POLQ: variants seen among roughly 807,000 people sequenced by gnomAD.
POLQ encodes epididymis secretory sperm binding protein.
A neutral mutation model predicts 259.2 loss-of-function variants in POLQ; 233 were observed. The ratio of observed to expected loss-of-function variants is 0.90; its 90% CI spans 0.81 to 1.00. POLQ has a LOEUF of 1.00. Among genes scored for constraint, POLQ ranks in the 50% least tolerant of loss-of-function variants. POLQ has a pLI of 0.00. For synonymous variants in POLQ, 1,025 were observed against 1,048.8 expected, an observed-to-expected ratio of 0.98 and a Z score of 0.44; for missense variants, 2,871 against 3,051.6, an observed-to-expected ratio of 0.94 and a Z score of 1.39.
intron 20 of POLQ, 97 bp downstream of exon 20, chr3:121,476,443 T>C (rs1443255585): frequency 7.3e-6 from 6 of 821,218 alleles, no homozygotes; most frequent in Non-Finnish European, 1.1e-5. Flanking sequence ...TGACCTTTGG[T>C]GTTCAGGTAA....
chr3:121,498,336 A>T (rs1385734743), intron 13 of POLQ, 141 bp downstream of exon 13: 8 of 546,928 alleles, frequency 1.5e-5, no homozygotes, highest in Non-Finnish European at 2.5e-5. Context: ...AAGAAAATGA[A>T]AAAAAAGAAA....
chr3:121,498,767 G>T, intron 12 of POLQ, 97 bp from the exon 13 acceptor site: 2 of 839,934 alleles, frequency 2.4e-6, no homozygotes, highest in Non-Finnish European at 3.7e-6. Context: ...CAGGCATGAT[G>T]GTATGTGCCT....
At chr3:121,532,102 T>C (rs927955256) in intron 6 of POLQ, among the ~76,000 whole-genome samples, 1 of 152,204 alleles carries the variant, frequency 6.6e-6, no homozygotes, top group Non-Finnish European at 1.5e-5. Context: ...ACTTTCTAGA[T>C]GCCAGATAAT....
chr3:121,454,463 T>C (rs2047712294), intron 25 of POLQ, among the ~76,000 whole-genome samples: 1 of 152,182 alleles, frequency 6.6e-6, no homozygotes, highest in South Asian at 2.1e-4. Context: ...TCAAGATCCA[T>C]CAGTGTGCTG....
rs568633885 is a variant in POLQ at position 121,453,575 on chromosome 3, G to C, written c.7153-4149C>G. On this transcript the variant is annotated intron_variant, in intron 25 of 29. Transcript: ENST00000264233. Reference sequence around the variant, plus strand: ...CTGATGGAGCTGAAAGCCAAGGCTTGAGAACTACGTGAAGAATGCAGAAGC... The same window carrying C: ...CTGATGGAGCTGAAAGCCAAGGCTTCAGAACTACGTGAAGAATGCAGAAGC... Among the ~76,000 whole-genome samples, 6 of 152,330 alleles carry C rather than the reference G, an allele frequency of 3.9e-5. No homozygotes were observed. The East Asian group carries it at 1.2e-3, about 29-fold the overall frequency.
At chr3:121,449,606 T>C (rs2047656903) in intron 25 of POLQ, among the ~76,000 whole-genome samples, 180 bp from the exon 26 acceptor site, 1 of 152,226 alleles carries the variant, frequency 6.6e-6, no homozygotes, top group African/African-American at 2.4e-5. Context: ...TTTCTGCCTT[T>C]CAGCATTACT....
At chr3:121,465,034 A>T (rs1033240255) in intron 24 of POLQ, among the ~76,000 whole-genome samples, 5 of 152,144 alleles carry the variant, frequency 3.3e-5, no homozygotes, top group African/African-American at 4.8e-5. Flanking sequence ...GCAATTTTTT[A>T]AAAAATGAGT....
intron 25 of POLQ, among the ~76,000 whole-genome samples, chr3:121,454,426 A>T (rs1430624170): frequency 2.6e-5 from 4 of 152,246 alleles, no homozygotes; most frequent in Non-Finnish European, 5.9e-5. Flanking sequence ...CAATTAAAAG[A>T]CACAGACTGG....
At chr3:121,498,798 G>T in intron 12 of POLQ, 128 bp from the exon 13 acceptor site, 1 of 661,712 alleles carries the variant, frequency 1.5e-6, no homozygotes, top group Non-Finnish European at 2.5e-6. Flanking sequence ...CTACTCAGAA[G>T]GCTGAGATGG....
At chr3:121,509,510 C>A in intron 12 of POLQ, 51 bp downstream of exon 12, 1 of 1,475,448 alleles carries the variant, frequency 6.8e-7, no homozygotes, top group South Asian at 1.2e-5. Context: ...GATTATATAT[C>A]TATTTTTTTC....
Position 121,498,476 on chromosome 3 carries a change from C to G in POLQ, c.2153+1G>C. ...GAGAGCCCAGAGACCTTGACGTTTA[C>G]CTTTTATGGATGGCCATTTGTCGAT... is the stretch of plus-strand genomic sequence containing the variant. On this transcript the variant is annotated splice_donor_variant, in intron 13 of 29. Coordinates refer to ENST00000264233, the MANE Select transcript of POLQ (RefSeq NM_199420.4). LOFTEE classifies it high-confidence loss of function. 1.9e-6 allele frequency: 3 copies of G among 1,612,174 alleles called. No homozygotes were observed. Among genetic ancestry groups the G allele is most frequent in the Non-Finnish European group, 2.5e-6 (3 of 1,178,572 alleles).
rs569575038 is a variant in POLQ at position 121,545,623 on chromosome 3, C to A, written c.163+92G>T. 3.0e-4 allele frequency: 374 copies of A among 1,266,492 alleles called. 2 individuals are homozygous for A. In the African/African-American group the frequency reaches 4.3e-3, roughly 14 times the overall value. 78.5% of individuals were successfully genotyped at this position (1,266,492 alleles called of 1,614,324 possible). A position where few individuals can be genotyped will look rare whatever the true frequency, so the allele number is the denominator to read the frequency against. ...AGTAGAAGCCCAATGGGGTATGCAA[C>A]GAAGCAAGTCCCGTGGGGTGAGGAC... On this transcript the variant is annotated intron_variant, in intron 1 of 29. Transcript: ENST00000264233.
At chr3:121,504,162 C>G (rs1001402588) in intron 12 of POLQ, among the ~76,000 whole-genome samples, 2 of 152,136 alleles carry the variant, frequency 1.3e-5, no homozygotes, top group Admixed American at 1.3e-4. Context: ...CTGGACTGAT[C>G]AAGAAATGAT....
intron 20 of POLQ, among the ~76,000 whole-genome samples, chr3:121,475,528 T>C (rs2047918479): frequency 6.6e-6 from 1 of 152,066 alleles, no homozygotes; most frequent in Non-Finnish European, 1.5e-5. Context: ...ACTATTAAAG[T>C]AATAATAAAG....
chr3:121,522,023 C>T lies in POLQ; in HGVS notation c.1235G>A (p.Gly412Glu), dbSNP rs777788562. ...AATACCTGCATGATGAAATGCTACTCCCCATGGTACAGTTTTCTGTAATAC... is the reference window on the plus strand; with the variant it reads ...AATACCTGCATGATGAAATGCTACTTCCCATGGTACAGTTTTCTGTAATAC... ...DSVLQKTVPW[G>E]VAFHHAGLTF... The change falls in exon 8 of 30, where the codon GGA becomes GAA. Residue 412 changes from glycine to glutamate, a missense_variant. Physicochemically the swap from Gly to Glu is moderately conservative, Grantham distance 98. Transcript: ENST00000264233. 6.3e-7 allele frequency: 1 copy of T among 1,580,534 alleles called. No individual in the cohort carries two copies. The highest frequency in any genetic ancestry group is 8.6e-7 in the Non-Finnish European group (1 of 1,167,420).
At chr3:121,462,960 G>A (rs554301833) in intron 24 of POLQ, among the ~76,000 whole-genome samples, 21 of 152,330 alleles carry the variant, frequency 1.4e-4, no homozygotes, top group African/African-American at 4.3e-4. Context: ...CAACCATAAC[G>A]TCCGCATACT....
In POLQ at chr3:121,532,908, T is replaced by C. The variant is rs2048421600; in HGVS notation, c.960+82A>G. 14 of 894,546 alleles carry C rather than the reference T, an allele frequency of 1.6e-5. No individual in the cohort carries two copies. In the East Asian group the frequency reaches 3.4e-4, roughly 22 times the overall value. The allele number at this position is 894,546 out of a possible 1,614,324, so 55.4% of individuals were successfully genotyped here. Reference sequence around the variant, plus strand: ...GTATATGTAACTCCCAATTACATCATTCAGAATTTGTTAGCAATTTGCTAG... The same window carrying C: ...GTATATGTAACTCCCAATTACATCACTCAGAATTTGTTAGCAATTTGCTAG... On this transcript the variant is annotated intron_variant, in intron 6 of 29. Transcript: ENST00000264233.
At chr3:121,545,280 A>T (rs1406170162) in intron 1 of POLQ, among the ~76,000 whole-genome samples, 1 of 152,142 alleles carries the variant, frequency 6.6e-6, no homozygotes, top group Non-Finnish European at 1.5e-5. Flanking sequence ...TAACGATTTT[A>T]AAAAACTGGG....
At chr3:121,500,796 A>G (rs529072334) in intron 12 of POLQ, among the ~76,000 whole-genome samples, 2 of 151,966 alleles carry the variant, frequency 1.3e-5, no homozygotes, top group Non-Finnish European at 2.9e-5. Flanking sequence ...AAAACTGAAG[A>G]AAAAAAATCT....
Sources: allele counts gnomAD v4.1 joint callset (sites outside exome capture counted in the v4.1 genomes callset), GRCh38; gene constraint gnomAD v4.1.1; transcripts MANE v1.5; gene names NCBI Gene and HGNC (gene_info 2026-07-23, HGNC 2026-07-21).